Variants in SFTPA2 observed in about 807,000 individuals in gnomAD.
SFTPA2 encodes the protein surfactant protein A2, also known as pulmonary surfactant-associated protein A2.
Under a neutral mutation model 20.3 loss-of-function variants are expected in SFTPA2, and 21 were observed. The ratio of observed to expected loss-of-function variants is 1.03; its 90% CI spans 0.73 to 1.49. The LOEUF is 1.49. Among genes scored for constraint, SFTPA2 ranks in the 40% most tolerant of loss-of-function variants. The pLI, the probability that SFTPA2 is intolerant of heterozygous loss-of-function variation, is 0.00. For missense variants in SFTPA2, 302 were observed against 314.8 expected, an observed-to-expected ratio of 0.96 and a Z score of 0.31; for synonymous variants, 116 against 118.7, an observed-to-expected ratio of 0.98 and a Z score of 0.15.
chr10:79,560,007 G>T lies in SFTPA2; in HGVS notation c.-53-9C>A. 8.6e-7 allele frequency: 1 copy of T among 1,167,964 alleles called. No individual in the cohort carries two copies. Among genetic ancestry groups the T allele is most frequent in the Non-Finnish European group, 1.1e-6 (1 of 940,772 alleles). 72.4% of individuals were successfully genotyped at this position (1,167,964 alleles called of 1,614,324 possible). A position where few individuals can be genotyped will look rare whatever the true frequency, so the allele number is the denominator to read the frequency against. On this transcript the variant is annotated splice_polypyrimidine_tract_variant and intron_variant, in intron 1 of 5. Transcript: ENST00000372325. Reference sequence around the variant, plus strand: ...TCCAAGAAATCAGCGACCTGAGAATGAAAAGAGATGAATAGGGCCCACAGC... The same window carrying T: ...TCCAAGAAATCAGCGACCTGAGAATTAAAAGAGATGAATAGGGCCCACAGC...
At chr10:79,559,778 G>A (rs1176779452) in intron 2 of SFTPA2, 191 bp downstream of exon 2, 4 of 1,480,002 alleles carry the variant, frequency 2.7e-6, no homozygotes, top group Non-Finnish European at 2.7e-6. Context: ...AGGGACCTGG[G>A]CTCCAGTGCA....
At position 79,558,822 on chromosome 10, in the gene SFTPA2, T is replaced by C. The variant is rs17880662; in HGVS notation, c.292+64A>G. On this transcript the variant is annotated intron_variant, in intron 4 of 5. Transcript: ENST00000372325. The stretch of plus-strand genomic sequence containing the variant: ...GGGTTTGTCTGACCCCCATCACCCC[T>C]GTGTAACTGACTTCAGGTCGCTGTG... 0.069 allele frequency: 110,840 copies of C among 1,610,598 alleles called. 4,707 individuals carry two copies. Among genetic ancestry groups the C allele is most frequent in the East Asian group, 0.22 (10,041 of 44,758 alleles).
rs761646414 is a variant in SFTPA2 at position 79,558,086 on chromosome 10, G to C, written c.336C>G (p.His112Gln). Reference protein sequence around the residue: ...HLDEELQATLHDFRHQILQTR... With the variant: ...HLDEELQATLQDFRHQILQTR... ...TCTGCAGGATTTGATGTCTGAAGTC[G>C]TGGAGTGTGGCTTGGAGCTCCTCAT... The change falls in exon 5 of 6, where the codon CAC becomes CAG. Residue 112 changes from histidine to glutamine, a missense_variant. Transcript: ENST00000372325. 5 of 1,613,946 alleles carry C rather than the reference G, an allele frequency of 3.1e-6. No homozygotes were observed. Among genetic ancestry groups the C allele is most frequent in the Non-Finnish European group, 4.2e-6 (5 of 1,180,006 alleles).
Position 79,557,586 on chromosome 10 carries a change from C to G in SFTPA2, c.371-1G>C. 6.2e-7 allele frequency: 1 copy of G among 1,603,372 alleles called. No homozygotes were observed. The highest frequency in any genetic ancestry group is 2.2e-5 in the East Asian group (1 of 44,576). On this transcript the variant is annotated splice_acceptor_variant, in intron 5 of 5. Transcript: ENST00000372325. LOFTEE classifies it high-confidence loss of function. ...ATTATGGAGCCCTGCAGACTGAGGG[C>G]TGAGAGCAGAGGAGTCCAGGTCAGG...
At position 79,556,605 on chromosome 10, in the gene SFTPA2, TGGGCACCACCGTGCTG is replaced by T. The variant is rs2132041457; in HGVS notation, c.*588_*603del. The T allele has an allele frequency of 6.3e-6, 1 of 159,896 alleles. No individual in the cohort carries two copies. Among genetic ancestry groups the T allele is most frequent in the East Asian group, 1.8e-4 (1 of 5,558 alleles). 9.9% of individuals were successfully genotyped at this position (159,896 alleles called of 1,614,324 possible). A position where few individuals can be genotyped will look rare whatever the true frequency, so the allele number is the denominator to read the frequency against. ...GTACATGTCAGTCACAGGGTTGGCT[TGGGCACCACCGTGCTG>T]GGGCACCACTGGGCCCTCTGACCAC... On this transcript the variant is annotated 3_prime_UTR_variant, in exon 6 of 6. Transcript: ENST00000372325.
At position 79,559,144 on chromosome 10, in the gene SFTPA2, C is replaced by T. The variant is rs546181418; in HGVS notation, c.173-139G>A. On this transcript the variant is annotated intron_variant, in intron 3 of 5. Coordinates refer to ENST00000372325, the MANE Select transcript of SFTPA2 (RefSeq NM_001098668.4). ...CTATGAGGACAGACTCTCCAGGATG[C>T]GCCATCATAAGGGCCCCAGGAACCC... The T allele has an allele frequency of 3.7e-5, 58 of 1,577,262 alleles. No homozygotes were observed. In the East Asian group the frequency reaches 6.5e-4, roughly 18 times the overall value.
In SFTPA2 at chr10:79,559,311, C is replaced by T; in HGVS notation, c.172+1G>A. On this transcript the variant is annotated splice_donor_variant, in intron 3 of 5. Transcript: ENST00000372325. LOFTEE classifies it high-confidence loss of function. ...TGAGGGTGGGGTCTGCAGCACAGTA[C>T]CTGGAGGGCCAGGGTCTCCTTTGAC... 6.2e-7 allele frequency: 1 copy of T among 1,613,776 alleles called. No individual in the cohort carries two copies. Among genetic ancestry groups the T allele is most frequent in the Middle Eastern group, 1.7e-4 (1 of 6,034 alleles).
In SFTPA2 at chr10:79,557,179, A is replaced by G. The variant is rs757136092; in HGVS notation, c.*30T>C. ...GGATGGAAACTGAAGGCCAGACAGG[A>G]TCCTCCCTGTCCCATGGCCTAAATG... is the stretch of plus-strand genomic sequence containing the variant. On this transcript the variant is annotated 3_prime_UTR_variant, in exon 6 of 6. Transcript: ENST00000372325. 1 of 1,613,886 alleles carries G rather than the reference A, an allele frequency of 6.2e-7. No homozygotes were observed. The highest frequency in any genetic ancestry group is 1.3e-5 in the African/African-American group (1 of 74,864).
intron 4 of SFTPA2, among the ~76,000 whole-genome samples, chr10:79,558,417 C>T (rs1011120228): frequency 5.9e-5 from 9 of 152,208 alleles, no homozygotes; most frequent in African/African-American, 2.2e-4. Flanking sequence ...GGGGCAAGTC[C>T]CTCTCCCGCA....
In SFTPA2 at chr10:79,557,127, G is replaced by A. The variant is rs1010190295; in HGVS notation, c.*82C>T. The A allele has an allele frequency of 8.1e-5, 130 of 1,610,632 alleles. No individual in the cohort carries two copies. The highest frequency in any genetic ancestry group is 1.1e-4 in the Non-Finnish European group (127 of 1,177,800). ...TGAATTCTGTTGAAAGGGAGTTCTA[G>A]CATCTCACAGACCAAGTGGATCCTG... On this transcript the variant is annotated 3_prime_UTR_variant, in exon 6 of 6. Transcript: ENST00000372325.
At chr10:79,559,204 C>A in intron 3 of SFTPA2, 108 bp downstream of exon 3, 1 of 1,554,590 alleles carries the variant, frequency 6.4e-7, no homozygotes, top group East Asian at 2.3e-5. Flanking sequence ...ACCCAGCTTA[C>A]TATAGCCCCC....
chr10:79,559,295 G>A lies in SFTPA2; in HGVS notation c.172+17C>T. The A allele has an allele frequency of 6.2e-7, 1 of 1,613,384 alleles. No homozygotes were observed. The highest frequency in any genetic ancestry group is 2.2e-5 in the East Asian group (1 of 44,834). On this transcript the variant is annotated intron_variant, in intron 3 of 5. Coordinates refer to ENST00000372325, the MANE Select transcript of SFTPA2 (RefSeq NM_001098668.4). ...GTCTGTGTCCCTCAGCTGAGGGTGG[G>A]GTCTGCAGCACAGTACCTGGAGGGC...
rs2434114 is a variant in SFTPA2 at position 79,558,992 on chromosome 10, C to T, written c.186G>A (p.Pro62=). ...CAGGAGGACATGGTGTTTCTCCAGGCGGACCCATGGGGCCTGCAGAGAAAA... is the reference window on the plus strand; with the variant it reads ...CAGGAGGACATGGTGTTTCTCCAGGTGGACCCATGGGGCCTGCAGAGAAAA... ...GDPGPPGPMG[P]PGETPCPPGN... is the part of the protein sequence containing the mutation. The change falls in exon 4 of 6, where the codon CCG becomes CCA. Residue 62 remains proline (P), a synonymous_variant. Transcript: ENST00000372325. 2,184 of 1,613,056 alleles carry T rather than the reference C, an allele frequency of 1.4e-3. 14 individuals are homozygous for T. The highest frequency in any genetic ancestry group is 7.1e-3 in the South Asian group (643 of 91,076).
chr10:79,560,167 G>T, intron 1 of SFTPA2, 169 bp from the exon 2 acceptor site: 1 of 277,200 alleles, frequency 3.6e-6, no homozygotes, highest in Non-Finnish European at 5.6e-6. Flanking sequence ...GATGGATCTG[G>T]CCAAGGAAGA....
At chr10:79,559,197 C>T (rs1859022711) in intron 3 of SFTPA2, 115 bp downstream of exon 3, 9 of 1,527,328 alleles carry the variant, frequency 5.9e-6, no homozygotes, top group Non-Finnish European at 7.2e-6. Context: ...AAGTCCCACC[C>T]AGCTTACTAT....
At chr10:79,558,501 T>C (rs148790181) in intron 4 of SFTPA2, among the ~76,000 whole-genome samples, 157 of 152,052 alleles carry the variant, frequency 1.0e-3, no homozygotes, top group Middle Eastern at 6.8e-3. Context: ...AGCTTCAAAG[T>C]TCCCCTCTGT....
chr10:79,559,214 C>T, intron 3 of SFTPA2, 98 bp downstream of exon 3: 2 of 1,576,704 alleles, frequency 1.3e-6, no homozygotes, highest in South Asian at 1.2e-5. Context: ...CTATAGCCCC[C>T]AGCTCACTAT....
chr10:79,560,058 G>C lies in SFTPA2; in HGVS notation c.-53-60C>G, dbSNP rs190455897. 937 of 1,054,796 alleles carry C rather than the reference G, an allele frequency of 8.9e-4. 3 individuals carry two copies. The African/African-American group carries it at 0.014, about 15-fold the overall frequency. 65.3% of individuals were successfully genotyped at this position (1,054,796 alleles called of 1,614,324 possible). ...CTGGACCCTTCAAGGTGATCATCGG[G>C]GGGTGATGACCCTCTCACAGTCAGT... On this transcript the variant is annotated intron_variant, in intron 1 of 5. Transcript: ENST00000372325.
intron 3 of SFTPA2, 149 bp from the exon 4 acceptor site, chr10:79,559,154 A>G (rs1859019055): frequency 2.0e-6 from 3 of 1,532,410 alleles, no homozygotes; most frequent in African/African-American, 2.7e-5. Flanking sequence ...CGCCATCATA[A>G]GGGCCCCAGG....
Sources: gnomAD v4.1 joint callset for allele counts (sites outside exome capture counted in the v4.1 genomes callset) on GRCh38, gnomAD v4.1.1 for gene constraint, MANE v1.5 for transcripts, NCBI Gene and HGNC (gene_info 2026-07-23, HGNC 2026-07-21) for gene names.